The following UGT2A1 variants were observed in gnomAD, a reference collection of about 807,000 sequenced individuals.
UGT2A1 encodes the protein UDP-glucuronosyltransferase 2A1.
UGT2A1 carries 61 observed loss-of-function variants against 45.4 expected under a neutral mutation model. The ratio of observed to expected loss-of-function variants is 1.34; its 90% confidence interval spans 1.09 to 1.66. The LOEUF (loss-of-function observed/expected upper bound fraction) is 1.66. UGT2A1 is among the 40% of genes most tolerant of loss of function. The pLI is 0.00. For missense variants in UGT2A1, 649 were observed against 574.3 expected (o/e 1.13, Z -1.33); for synonymous variants, 229 against 196.2 (o/e 1.17, Z -1.40).
At chr4:69,595,093 T>A (rs1204020361) in intron 5 of UGT2A1, 69 bp downstream of exon 5, 1 of 1,548,236 alleles carries the variant, frequency 6.5e-7, no homozygotes, top group Non-Finnish European at 8.9e-7. Flanking sequence ...TTGAATTTAT[T>A]TGCTATTAAA....
intron 3 of UGT2A1, among the ~76,000 whole-genome samples, chr4:69,615,326 G>A (rs2109925365): frequency 6.6e-6 from 1 of 152,010 alleles, no homozygotes. Flanking sequence ...TGATTAATAA[G>A]ACCTCAGAAG....
At chr4:69,614,263 A>G (rs2109923302) in intron 3 of UGT2A1, among the ~76,000 whole-genome samples, 1 of 152,180 alleles carries the variant, frequency 6.6e-6, no homozygotes, top group Middle Eastern at 3.4e-3. Context: ...AAACTGAATC[A>G]AATACGAGAA....
At chr4:69,640,504 T>C (rs1721995830) in intron 2 of UGT2A1, among the ~76,000 whole-genome samples, 1 of 151,928 alleles carries the variant, frequency 6.6e-6, no homozygotes, top group African/African-American at 2.4e-5. Flanking sequence ...GATATAGTGT[T>C]GCAATTCTTA....
chr4:69,628,173 A>G (rs1191194537), intron 3 of UGT2A1, among the ~76,000 whole-genome samples: 1 of 151,926 alleles, frequency 6.6e-6, no homozygotes, highest in Non-Finnish European at 1.5e-5. Context: ...CAGGGCATCA[A>G]AATGTCCATG....
chr4:69,639,790 T>C, intron 2 of UGT2A1: 1 of 743,724 alleles, frequency 1.3e-6, no homozygotes, highest in Non-Finnish European at 2.0e-6. Context: ...TTCAAATTCC[T>C]ATATGCACTA....
chr4:69,619,622 A>G (rs1275641810), intron 3 of UGT2A1, among the ~76,000 whole-genome samples: 1 of 151,970 alleles, frequency 6.6e-6, no homozygotes, highest in East Asian at 1.9e-4. Flanking sequence ...AAACTTAAAC[A>G]CATTCTAAAA....
intron 1 of UGT2A1, among the ~76,000 whole-genome samples, chr4:69,652,320 G>C (rs1400412581): frequency 1.1e-5 from 1 of 89,062 alleles, no homozygotes; most frequent in African/African-American, 4.6e-5. Context: ...TTTTGCTCTT[G>C]TTGTCCAAGC....
chr4:69,627,538 GAGAGAGAGAA>G lies in UGT2A1; in HGVS notation c.847+8143_847+8152del, dbSNP rs775567788. 1.3e-3 allele frequency among the ~76,000 whole-genome samples: 158 copies of G among 125,784 alleles called. 1 individual carries two copies. Among genetic ancestry groups the G allele is most frequent in the Non-Finnish European group, 1.2e-3 (67 of 56,966 alleles). The allele number at this position is 125,784 out of a possible 152,430, so 82.5% of individuals were successfully genotyped here. ...GAAAGAAAGAAGAAAGAAAGAAAGAGAGAGAGAGAAAGAGAGAGAGAGAGAGAGAAAGAAA... is the reference window on the plus strand; with the variant it reads ...GAAAGAAAGAAGAAAGAAAGAAAGAGAGAGAGAGAGAGAGAGAGAAAGAAA... On this transcript the variant is annotated intron_variant, in intron 3 of 6. Coordinates refer to ENST00000286604, the MANE Select transcript of UGT2A1 (RefSeq NM_001252275.3).
chr4:69,622,302 G>A (rs1053464528), intron 3 of UGT2A1, among the ~76,000 whole-genome samples: 4 of 151,398 alleles, frequency 2.6e-5, no homozygotes, highest in Admixed American at 2.6e-4. Flanking sequence ...CCACAAAGAT[G>A]GGAAATTGGC....
intron 3 of UGT2A1, among the ~76,000 whole-genome samples, chr4:69,610,120 G>C (rs1169282717): frequency 6.6e-6 from 1 of 152,074 alleles, no homozygotes; most frequent in African/African-American, 2.4e-5. Context: ...TCATGTATTA[G>C]CAAAGTTGAT....
intron 3 of UGT2A1, among the ~76,000 whole-genome samples, chr4:69,625,183 GATGAAGTATTTTT>G (rs1346075653): frequency 1.3e-5 from 2 of 150,470 alleles, no homozygotes; most frequent in East Asian, 3.9e-4. Flanking sequence ...TTCTTTGCTA[GATGAAGTATTTTT>G]TAATTTTCCT....
intron 3 of UGT2A1, among the ~76,000 whole-genome samples, chr4:69,614,493 A>G (rs1720256310): frequency 6.6e-6 from 1 of 152,050 alleles, no homozygotes; most frequent in South Asian, 2.1e-4. Context: ...GTATGGAACC[A>G]CAAAAGACCA....
At chr4:69,599,527 GT>G in intron 3 of UGT2A1, 133 bp from the exon 4 acceptor site, 1 of 1,240,376 alleles carries the variant, frequency 8.1e-7, no homozygotes, top group Non-Finnish European at 1.1e-6. Flanking sequence ...TACTTATCAT[GT>G]TTATATATTA....
intron 3 of UGT2A1, among the ~76,000 whole-genome samples, chr4:69,627,597 G>GAAAA (rs1260396352): frequency 9.7e-5 from 12 of 123,710 alleles, no homozygotes; most frequent in African/African-American, 2.2e-4. Context: ...AAAGAAGAAA[G>GAAAA]AAAAGAAAGA....
chr4:69,640,451 A>G (rs1721991541), intron 2 of UGT2A1, among the ~76,000 whole-genome samples: 1 of 151,962 alleles, frequency 6.6e-6, no homozygotes, highest in African/African-American at 2.4e-5. Context: ...TAGGCCAGCT[A>G]CAGAATGACT....
chr4:69,592,985 C>A (rs1174961027), intron 6 of UGT2A1, among the ~76,000 whole-genome samples: 1 of 151,876 alleles, frequency 6.6e-6, no homozygotes, highest in Non-Finnish European at 1.5e-5. Flanking sequence ...GAAAAGAAAG[C>A]AAAAAGATAC....
chr4:69,594,688 TG>T lies in UGT2A1; in HGVS notation c.1092del (p.Thr366ProfsTer39), dbSNP rs1718813531. Reference sequence around the variant, plus strand: ...CCATGAGTGATAAAAGCTTTGGTTTTGGGATGTCCTAATTTGAGGATGGAGT... The same window carrying T: ...CCATGAGTGATAAAAGCTTTGGTTTTGGATGTCCTAATTTGAGGATGGAGT... ...WIPQNDLLGH[P>X]KTKAFITHGG... On this transcript the variant is annotated frameshift_variant, in exon 6 of 7. Transcript: ENST00000286604. LOFTEE classifies it high-confidence loss of function. The T allele has an allele frequency of 3.1e-6, 5 of 1,613,316 alleles. No homozygotes were observed. The highest frequency in any genetic ancestry group is 4.2e-6 in the Non-Finnish European group (5 of 1,179,564).
intron 3 of UGT2A1, among the ~76,000 whole-genome samples, chr4:69,622,895 T>G (rs890359500): frequency 2.6e-5 from 4 of 151,956 alleles, no homozygotes; most frequent in African/African-American, 9.6e-5. Context: ...TCAGCCTCAT[T>G]TATAATTCTG....
intron 3 of UGT2A1, among the ~76,000 whole-genome samples, chr4:69,626,286 C>G (rs893103815): frequency 6.6e-6 from 1 of 151,088 alleles, no homozygotes; most frequent in Non-Finnish European, 1.5e-5. Context: ...AAATTTTATT[C>G]CACCAAAGAG....
Sources: gnomAD v4.1 joint callset for allele counts (sites outside exome capture counted in the v4.1 genomes callset) on GRCh38, gnomAD v4.1.1 for gene constraint, MANE v1.5 for transcripts, NCBI Gene and HGNC (gene_info 2026-07-23, HGNC 2026-07-21) for gene names.